ACSBG2: variants seen among roughly 807,000 people sequenced by gnomAD.
The protein encoded by ACSBG2 is long-chain-fatty-acid--CoA ligase ACSBG2.
A neutral mutation model predicts 74.7 loss-of-function variants in ACSBG2; 62 were observed. The observed-to-expected ratio is 0.83, with a 90% CI of 0.68 to 1.03. The LOEUF is 1.03. ACSBG2 is among the 50% of genes least tolerant of loss of function. ACSBG2 has a pLI of 0.00. For missense variants in ACSBG2, 730 were observed against 817.6 expected (o/e 0.89, Z 1.31); for synonymous variants, 309 against 294.1 (o/e 1.05, Z -0.52).
rs1053445317 is a variant in ACSBG2, at chr19:6,174,194, C to T, written c.739-3035C>T. Among the ~76,000 whole-genome samples, 4 of 152,144 alleles carry T rather than the reference C, an allele frequency of 2.6e-5. No homozygotes were observed. The highest frequency in any genetic ancestry group is 2.1e-4 in the South Asian group (1 of 4,822). On this transcript the variant is annotated intron_variant, in intron 7 of 14. Transcript: ENST00000588485. The surrounding 1 kb of genome is among the most constrained non-coding windows in gnomAD (Gnocchi z 4.2). Reference sequence around the variant, plus strand: ...TCAGGTGATCCACCCGCCTTGGCCTCCCAAAGTGCTGGGACTACAAACATG... The same window carrying T: ...TCAGGTGATCCACCCGCCTTGGCCTTCCAAAGTGCTGGGACTACAAACATG...
At chr19:6,156,965 G>A (rs1450782072) in intron 5 of ACSBG2, among the ~76,000 whole-genome samples, 1 of 147,552 alleles carries the variant, frequency 6.8e-6, no homozygotes, top group East Asian at 2.0e-4. Context: ...TTTTTTTTCC[G>A]AGACAGAGTC....
chr19:6,185,731 C>A, intron 11 of ACSBG2, 78 bp downstream of exon 11: 2 of 1,461,002 alleles, frequency 1.4e-6, no homozygotes, highest in Non-Finnish European at 1.9e-6. Flanking sequence ...GGTACCAGCA[C>A]GAAGGCCACC....
At chr19:6,156,682 A>G in intron 5 of ACSBG2, 131 bp downstream of exon 5, 1 of 958,722 alleles carries the variant, frequency 1.0e-6, no homozygotes, top group African/African-American at 1.7e-5. Context: ...CGAGTCCTCC[A>G]TGACCTCATT....
At chr19:6,143,211 A>AT (rs370266331) in intron 2 of ACSBG2, among the ~76,000 whole-genome samples, 38 of 148,224 alleles carry the variant, frequency 2.6e-4, no homozygotes, top group Middle Eastern at 3.5e-3. Flanking sequence ...TGCCTGGCTA[A>AT]TTTTTTTTTT....
At chr19:6,156,896 G>A (rs2089443995) in intron 5 of ACSBG2, among the ~76,000 whole-genome samples, 1 of 150,126 alleles carries the variant, frequency 6.7e-6, no homozygotes, top group Non-Finnish European at 1.5e-5. Context: ...TGATCCTTCT[G>A]CCTCAGTCCT....
intron 7 of ACSBG2, among the ~76,000 whole-genome samples, chr19:6,170,975 CT>C (rs113309896): frequency 0.075 from 10,900 of 145,812 alleles, 711 homozygotes; most frequent in African/African-American, 0.18. Context: ...CTTTCTTTGT[CT>C]TTTTTTTTTT....
Position 6,187,666 on chromosome 19 carries a change from G to A in ACSBG2, c.1748G>A (p.Arg583Gln), listed in dbSNP as rs35768768. Residue 583 changes from arginine (R) to glutamine (Q), a missense_variant, in exon 13 of 15, where the codon CGG becomes CAG. By Grantham distance (43) the Arg-to-Gln change is conservative. Transcript: ENST00000588485. ...KLNFEAINFC[R>Q]GLGSQASTVT... ...AACTTCGAGGCCATCAACTTCTGTC[G>A]GGGTCTGGGCAGCCAGGCATCCACC... 1.1e-3 allele frequency: 1,769 copies of A among 1,614,084 alleles called. 13 individuals carry two copies. The African/African-American group carries it at 0.02, about 19-fold the overall frequency.
At chr19:6,176,136 C>T in intron 7 of ACSBG2, 1 of 434,872 alleles carries the variant, frequency 2.3e-6, no homozygotes, top group Non-Finnish European at 3.9e-6. Flanking sequence ...CTTCTGTTTT[C>T]ACATAATTCT....
rs1309924109 is a variant in ACSBG2 at position 6,138,520 on chromosome 19, GA to G, written c.-32+2612del. Among the ~76,000 whole-genome samples the G allele has an allele frequency of 1.7e-3, 214 of 127,208 alleles. 1 individual carries two copies. Among genetic ancestry groups the G allele is most frequent in the African/African-American group, 6.0e-3 (201 of 33,732 alleles). The allele number at this position is 127,208 out of a possible 152,430, so 83.5% of individuals were successfully genotyped here. The stretch of plus-strand genomic sequence containing the variant: ...GGGAGGGAGGGAGGGAAAGAGGAAG[GA>G]GGAAAAGGAAGGAAGGGGAGGGAGG... On this transcript the variant is annotated intron_variant, in intron 1 of 14. Transcript: ENST00000588485.
chr19:6,190,762 A>AG, intron 14 of ACSBG2, 70 bp downstream of exon 14: 1 of 911,534 alleles, frequency 1.1e-6, no homozygotes. Flanking sequence ...ACTGTGTGGC[A>AG]GGCAGATCTG....
At chr19:6,155,408 G>A (rs1266089428) in intron 4 of ACSBG2, among the ~76,000 whole-genome samples, 1 of 152,118 alleles carries the variant, frequency 6.6e-6, no homozygotes, top group Non-Finnish European at 1.5e-5. Flanking sequence ...TCTTAGACAG[G>A]ACACAGAGAG....
At chr19:6,158,445 T>G (rs1441039573) in intron 5 of ACSBG2, among the ~76,000 whole-genome samples, 2 of 152,044 alleles carry the variant, frequency 1.3e-5, no homozygotes, top group Admixed American at 1.3e-4. Context: ...CTTACGTTTT[T>G]TTTTTTTTTT....
rs756159651 is a variant in ACSBG2, at chr19:6,187,763, C to G, written c.1845C>G (p.Asn615Lys). 22 of 1,613,978 alleles carry G rather than the reference C, an allele frequency of 1.4e-5. No homozygotes were observed. The highest frequency in any genetic ancestry group is 1.8e-5 in the Non-Finnish European group (21 of 1,180,038). The change falls in exon 13 of 15, where the codon AAC becomes AAG. Residue 615 changes from asparagine to lysine, a missense_variant. Physicochemically the swap from Asn to Lys is moderately conservative, Grantham distance 94 (BLOSUM62 0). Transcript: ENST00000588485. ...TCCAGCAAGGCATCAATGCTGTGAACCAGGAAGCCATGAACAATGCACAGA... is the reference window on the plus strand; with the variant it reads ...TCCAGCAAGGCATCAATGCTGTGAAGCAGGAAGCCATGAACAATGCACAGA... Reference protein sequence around the residue: ...KAIQQGINAVNQEAMNNAQRI... With the variant: ...KAIQQGINAVKQEAMNNAQRI...
intron 5 of ACSBG2, among the ~76,000 whole-genome samples, chr19:6,160,251 A>C (rs1323649134): frequency 6.6e-6 from 1 of 151,958 alleles, no homozygotes; most frequent in African/African-American, 2.4e-5. Context: ...TTAGCCAAGC[A>C]TGGTGGCGGG....
In ACSBG2 at chr19:6,174,084, G is replaced by A. The variant is rs537639645; in HGVS notation, c.739-3145G>A. Among the ~76,000 whole-genome samples, 16 of 152,142 alleles carry A rather than the reference G, an allele frequency of 1.1e-4. No homozygotes were observed. The South Asian group carries it at 3.3e-3, about 32-fold the overall frequency. ...CCTGAGTAGCAGGGATTACAGACGTGTGCCAACACACCCATCTAATTTTTG... is the reference window on the plus strand; with the variant it reads ...CCTGAGTAGCAGGGATTACAGACGTATGCCAACACACCCATCTAATTTTTG... On this transcript the variant is annotated intron_variant, in intron 7 of 14. Transcript: ENST00000588485. This position sits in a 1 kb window ranked among gnomAD's most constrained non-coding sequence, Gnocchi z 4.2.
At chr19:6,164,401 A>T (rs1357266105) in intron 6 of ACSBG2, among the ~76,000 whole-genome samples, 1 of 151,244 alleles carries the variant, frequency 6.6e-6, no homozygotes, top group African/African-American at 2.4e-5. Flanking sequence ...GGTTTCAGGC[A>T]ACACTGGCCA....
At chr19:6,190,850 C>A (rs556762768) in intron 14 of ACSBG2, 158 bp downstream of exon 14, 2 of 553,998 alleles carry the variant, frequency 3.6e-6, no homozygotes, top group Non-Finnish European at 6.5e-6. Context: ...CACACACACA[C>A]ACTCTTAGTT....
Position 6,174,300 on chromosome 19 carries a change from G to A in ACSBG2, c.739-2929G>A, listed in dbSNP as rs1600102634. ...CAACAGCAAGTGGTCCCAAAGATTT[G>A]TCAGTCCCAGAATTTCCACAGCATC... On this transcript the variant is annotated intron_variant, in intron 7 of 14. Coordinates refer to ENST00000588485, the MANE Select transcript of ACSBG2 (RefSeq NM_030924.5). The surrounding 1 kb of genome is among the most constrained non-coding windows in gnomAD (Gnocchi z 4.2). Among the ~76,000 whole-genome samples, 2 of 152,132 alleles carry A rather than the reference G, an allele frequency of 1.3e-5. No individual in the cohort carries two copies. The highest frequency in any genetic ancestry group is 2.1e-4 in the South Asian group (1 of 4,826).
At chr19:6,142,752 C>CAA (rs34759552) in intron 2 of ACSBG2, among the ~76,000 whole-genome samples, 63,689 of 115,346 alleles carry the variant, frequency 0.55, 17,221 homozygotes, top group Admixed American at 0.62. Context: ...GACTCTGTCT[C>CAA]AAAAAAAAAA....
Sources: gnomAD v4.1 joint callset for allele counts (sites outside exome capture counted in the v4.1 genomes callset) on GRCh38, gnomAD v4.1.1 for gene constraint, Gnocchi (gnomAD v3.1) non-coding constraint, MANE v1.5 for transcripts, NCBI Gene and HGNC (gene_info 2026-07-23, HGNC 2026-07-21) for gene names.